Variants in AOX1 observed in about 807,000 individuals in gnomAD.
AOX1 encodes aldehyde oxidase.
A neutral mutation model predicts 169.5 loss-of-function variants in AOX1; 153 were observed. The observed-to-expected ratio is 0.90, with a 90% CI of 0.79 to 1.03. The LOEUF (loss-of-function observed/expected upper bound fraction) is 1.03, where lower values mean the gene tolerates loss of function less well. Among genes scored for constraint, AOX1 ranks in the 50% least tolerant of loss-of-function variants. AOX1 has a pLI of 0.00. For missense variants in AOX1, 1,656 were observed against 1,663.9 expected (o/e 1.00, Z 0.08); for synonymous variants, 562 against 581.9 (o/e 0.97, Z 0.49).
intron 18 of AOX1, among the ~76,000 whole-genome samples, chr2:200,622,727 A>G (rs1224901888): frequency 6.6e-6 from 1 of 152,226 alleles, no homozygotes; most frequent in African/African-American, 2.4e-5. Flanking sequence ...TCTATGTGCC[A>G]GGTCACAGGA....
Position 200,659,284 on chromosome 2 carries a change from G to A in AOX1, c.3291G>A (p.Leu1097=). 3 of 1,613,056 alleles carry A rather than the reference G, an allele frequency of 1.9e-6. No individual in the cohort carries two copies. Among genetic ancestry groups the A allele is most frequent in the South Asian group, 1.1e-5 (1 of 90,854 alleles). The change falls in exon 28 of 35, where the codon TTG becomes TTA. Residue 1097 remains leucine (L), a synonymous_variant. Transcript: ENST00000374700. ...CTGTGGTGGCAGATCTCAACGGTTT[G>A]GCAGTAAAGGTAACAGTCACTGCAG... ...GGSVVADLNG[L]AVKDACQTLL...
chr2:200,600,343 C>T (rs2034384031), intron 5 of AOX1, among the ~76,000 whole-genome samples: 1 of 152,148 alleles, frequency 6.6e-6, no homozygotes, highest in Admixed American at 6.5e-5. Flanking sequence ...TATTCAACAT[C>T]AGAGGGCTGC....
At chr2:200,588,042 A>G (rs2034075173) in intron 1 of AOX1, 1 of 152,314 alleles carries the variant, frequency 6.6e-6, no homozygotes, top group East Asian at 1.9e-4. Flanking sequence ...TAGCAAGCAT[A>G]TAAATACGTG....
downstream of AOX1, among the ~76,000 whole-genome samples, chr2:200,675,639 G>A (rs1348722761): frequency 6.6e-6 from 1 of 152,092 alleles, no homozygotes; most frequent in African/African-American, 2.4e-5. Flanking sequence ...GATTTTCATG[G>A]CAGCATTATT....
chr2:200,627,329 C>T (rs536647887), intron 19 of AOX1, 24 bp from the exon 20 acceptor site: 2 of 1,570,318 alleles, frequency 1.3e-6, no homozygotes, highest in South Asian at 1.1e-5. Context: ...CCCAAGCTGC[C>T]TCATTCCTCT....
chr2:200,589,028 G>A (rs17448345), intron 1 of AOX1, among the ~76,000 whole-genome samples: 53,989 of 151,510 alleles, frequency 0.36, 9,808 homozygotes, highest in Non-Finnish European at 0.4. Context: ...CCTAGAAGAG[G>A]GCTTTTGAAG....
intron 31 of AOX1, 56 bp downstream of exon 31, chr2:200,663,025 C>G (rs2035858409): frequency 7.4e-7 from 1 of 1,352,012 alleles, no homozygotes; most frequent in Non-Finnish European, 1.1e-6. Flanking sequence ...CTAAATTCCA[C>G]AGATGCCATC....
chr2:200,595,132 A>G, intron 2 of AOX1, 140 bp from the exon 3 acceptor site: 1 of 478,530 alleles, frequency 2.1e-6, no homozygotes, highest in Non-Finnish European at 3.7e-6. Context: ...AGTAATTAAG[A>G]CATAAACACA....
intron 28 of AOX1, among the ~76,000 whole-genome samples, 169 bp from the exon 29 acceptor site, chr2:200,659,826 G>A (rs1431029105): frequency 6.7e-5 from 9 of 134,196 alleles, no homozygotes; most frequent in African/African-American, 6.1e-5. Context: ...ACACACACAC[G>A]TGCACACACT....
At chr2:200,643,186 C>CTT (rs35539595) in intron 25 of AOX1, among the ~76,000 whole-genome samples, 1 of 132,154 alleles carries the variant, frequency 7.6e-6, no homozygotes. Flanking sequence ...CCTTTTGGTT[C>CTT]TTTTTTTTTT....
intron 24 of AOX1, among the ~76,000 whole-genome samples, chr2:200,641,830 A>C (rs1180079381): frequency 6.6e-6 from 1 of 152,018 alleles, no homozygotes; most frequent in Non-Finnish European, 1.5e-5. Flanking sequence ...CACTGTGTCC[A>C]GCCCAACCCC....
chr2:200,593,025 C>T, intron 1 of AOX1, 121 bp from the exon 2 acceptor site: 5 of 741,106 alleles, frequency 6.7e-6, no homozygotes, highest in Admixed American at 2.2e-5. Context: ...AAGCTGAAAT[C>T]TACTTGAAAA....
intron 6 of AOX1, among the ~76,000 whole-genome samples, chr2:200,602,763 A>G (rs2034443322): frequency 6.6e-6 from 1 of 152,138 alleles, no homozygotes; most frequent in Non-Finnish European, 1.5e-5. Flanking sequence ...GCTTCACAGT[A>G]GAGGCTGTAT....
chr2:200,666,283 G>A (rs1392650780), intron 31 of AOX1, among the ~76,000 whole-genome samples: 1 of 152,202 alleles, frequency 6.6e-6, no homozygotes, highest in Non-Finnish European at 1.5e-5. Context: ...TCAGCCAGTT[G>A]TACCTGGATG....
chr2:200,605,506 A>C, intron 9 of AOX1, 30 bp from the exon 10 acceptor site: 1 of 1,085,536 alleles, frequency 9.2e-7, no homozygotes. Flanking sequence ...TTCTAGTCTT[A>C]TTGATTTTTT....
chr2:200,599,828 G>T, intron 5 of AOX1, 82 bp downstream of exon 5: 1 of 1,171,914 alleles, frequency 8.5e-7, no homozygotes, highest in Non-Finnish European at 1.1e-6. Context: ...TCTGTTGCCC[G>T]GGCTGGAGGG....
chr2:200,680,057 T>C (rs939737529), downstream of AOX1, among the ~76,000 whole-genome samples: 8 of 152,070 alleles, frequency 5.3e-5, no homozygotes, highest in South Asian at 2.1e-4. Context: ...CCAGCCTGAG[T>C]GACAGAGCAA....
At chr2:200,639,316 G>A (rs1219999387) in intron 23 of AOX1, among the ~76,000 whole-genome samples, 1 of 152,170 alleles carries the variant, frequency 6.6e-6, no homozygotes, top group African/African-American at 2.4e-5. Flanking sequence ...GGTGTTTTAG[G>A]TTTTAGGCAC....
intron 1 of AOX1, among the ~76,000 whole-genome samples, chr2:200,588,725 G>GTTTTTTTTTTTTTTTTTTTTTTT (rs1247445142): frequency 2.4e-5 from 1 of 40,888 alleles, no homozygotes; most frequent in Non-Finnish European, 6.6e-5. Flanking sequence ...ACTAGAATAA[G>GTTTTTTTTTTTTTTTTTTTTTTT]CTTTTTTTTT....
Sources: allele counts gnomAD v4.1 joint callset (sites outside exome capture counted in the v4.1 genomes callset), GRCh38; gene constraint gnomAD v4.1.1; transcripts MANE v1.5; gene names NCBI Gene and HGNC (gene_info 2026-07-23, HGNC 2026-07-21).